CRMP1: variants seen among roughly 807,000 people sequenced by gnomAD.
CRMP1 encodes dihydropyrimidinase-related protein 1.
A neutral mutation model predicts 68.3 loss-of-function variants in CRMP1; 19 were observed. The ratio of observed to expected loss-of-function variants is 0.28; its 90% CI spans 0.19 to 0.41. The LOEUF is 0.41. Among genes scored for constraint, CRMP1 ranks in the 10% least tolerant of loss-of-function variants. The pLI, the probability that CRMP1 is intolerant of heterozygous loss-of-function variation, is 1.00. For synonymous variants in CRMP1, 439 were observed against 399.6 expected, an observed-to-expected ratio of 1.10 and a Z score of -1.18; for missense variants, 791 against 967.4, an observed-to-expected ratio of 0.82 and a Z score of 2.42.
At chr4:5,868,147 T>A (rs1411372416) in intron 1 of CRMP1, among the ~76,000 whole-genome samples, 1 of 151,674 alleles carries the variant, frequency 6.6e-6, no homozygotes, top group Admixed American at 6.6e-5. Flanking sequence ...GAGGAAATGA[T>A]ATGCAAGTCA....
intron 12 of CRMP1, among the ~76,000 whole-genome samples, chr4:5,827,592 C>G (rs1469080971): frequency 1.3e-5 from 2 of 152,084 alleles, no homozygotes; most frequent in Non-Finnish European, 2.9e-5. Context: ...ACACACAGAG[C>G]TCACCACATG....
rs1715052537 is a variant in CRMP1, at chr4:5,879,116, G to A, written c.382-12360C>T. 6.6e-6 allele frequency among the ~76,000 whole-genome samples: 1 copy of A among 152,104 alleles called. No homozygotes were observed. The highest frequency in any genetic ancestry group is 1.5e-5 in the Non-Finnish European group (1 of 68,020). ...ATCCTTCACCAGCTTGTCCTCATCT[G>A]TAGGACAAAGCTCACCTCCTAGGCT... On this transcript the variant is annotated intron_variant, in intron 1 of 13. Coordinates refer to ENST00000324989, the MANE Select transcript of CRMP1 (RefSeq NM_001014809.3). This position sits in a 1 kb window ranked among gnomAD's most constrained non-coding sequence, Gnocchi z 4.2.
At chr4:5,827,409 T>C (rs1719809951) in intron 12 of CRMP1, among the ~76,000 whole-genome samples, 2 of 152,194 alleles carry the variant, frequency 1.3e-5, no homozygotes, top group South Asian at 2.1e-4. Flanking sequence ...ACTTGGTGTC[T>C]TTGACCTGGT....
chr4:5,869,219 CCGGGATTACA>C (rs1714261104), intron 1 of CRMP1, among the ~76,000 whole-genome samples: 1 of 152,176 alleles, frequency 6.6e-6, no homozygotes, highest in Non-Finnish European at 1.5e-5. Flanking sequence ...TCCCAAAGCA[CCGGGATTACA>C]GGTGTGAGCC....
chr4:5,857,148 T>G (rs1713191387), intron 3 of CRMP1, among the ~76,000 whole-genome samples: 1 of 147,726 alleles, frequency 6.8e-6, no homozygotes, highest in African/African-American at 2.5e-5. Context: ...CCATCCACTA[T>G]CATCACTACC....
intron 11 of CRMP1, among the ~76,000 whole-genome samples, chr4:5,835,413 G>A (rs1720664994): frequency 6.6e-6 from 1 of 152,226 alleles, no homozygotes; most frequent in Admixed American, 6.5e-5. Flanking sequence ...AGGCATATAA[G>A]ATACAAAGCA....
In CRMP1 at chr4:5,888,377, TAG is replaced by T. The variant is rs1158844429; in HGVS notation, c.381+4210_381+4211del. The T allele has an allele frequency of 8.2e-7, 1 of 1,225,492 alleles. No homozygotes were observed. Among genetic ancestry groups the T allele is most frequent in the Non-Finnish European group, 1.0e-6 (1 of 982,114 alleles). 75.9% of individuals were successfully genotyped at this position (1,225,492 alleles called of 1,614,324 possible). A position where few individuals can be genotyped will look rare whatever the true frequency, so the allele number is the denominator to read the frequency against. ...CGCGCTGACAAAGGCCCGGGAGGGATAGAGACACGGACGGAGGCTCGGCGCCC... is the reference window on the plus strand; with the variant it reads ...CGCGCTGACAAAGGCCCGGGAGGGATAGACACGGACGGAGGCTCGGCGCCC... On this transcript the variant is annotated intron_variant, in intron 1 of 13. Coordinates refer to ENST00000324989, the MANE Select transcript of CRMP1 (RefSeq NM_001014809.3). This position sits in a 1 kb window ranked among gnomAD's most constrained non-coding sequence, Gnocchi z 6.4.
Position 5,821,409 on chromosome 4 carries a change from T to G in CRMP1, c.*351A>C, listed in dbSNP as rs1718533890. On this transcript the variant is annotated 3_prime_UTR_variant, in exon 14 of 14. Coordinates refer to ENST00000324989, the MANE Select transcript of CRMP1 (RefSeq NM_001014809.3). The surrounding 1 kb of genome is among the most constrained non-coding windows in gnomAD (Gnocchi z 4.4). Reference sequence around the variant, plus strand: ...CATGCATCAACTATCCTAGAACATCTACAGGGTGCAAAGGAACCACCACTC... The same window carrying G: ...CATGCATCAACTATCCTAGAACATCGACAGGGTGCAAAGGAACCACCACTC... 3.4e-6 allele frequency: 1 copy of G among 293,974 alleles called. No individual in the cohort carries two copies. Among genetic ancestry groups the G allele is most frequent in the Admixed American group, 4.4e-5 (1 of 22,760 alleles). 18.2% of individuals were successfully genotyped at this position (293,974 alleles called of 1,614,324 possible). A position where few individuals can be genotyped will look rare whatever the true frequency, so the allele number is the denominator to read the frequency against.
In CRMP1 at chr4:5,841,458, G is replaced by A. The variant is rs533643957; in HGVS notation, c.1033-30C>T. 1 of 1,611,712 alleles carries A rather than the reference G, an allele frequency of 6.2e-7. No homozygotes were observed. Among genetic ancestry groups the A allele is most frequent in the South Asian group, 1.1e-5 (1 of 90,974 alleles). On this transcript the variant is annotated intron_variant, in intron 7 of 13. Transcript: ENST00000324989. This position sits in a 1 kb window ranked among gnomAD's most constrained non-coding sequence, Gnocchi z 6.9. The stretch of plus-strand genomic sequence containing the variant: ...ACACGGCACACACAGTGTCACAGGA[G>A]GGAAGGCTGGTGTAACAGCTACCAC...
At chr4:5,868,291 A>C (rs1218084882) in intron 1 of CRMP1, among the ~76,000 whole-genome samples, 10 of 99,244 alleles carry the variant, frequency 1.0e-4, no homozygotes, top group Admixed American at 4.3e-4. Flanking sequence ...ATATATATAT[A>C]TATATATATA....
chr4:5,825,910 C>G lies in CRMP1; in HGVS notation c.1804-251G>C. The G allele has an allele frequency of 1.9e-6, 1 of 517,654 alleles. No individual in the cohort carries two copies. The highest frequency in any genetic ancestry group is 3.4e-6 in the Non-Finnish European group (1 of 296,672). 32.1% of individuals were successfully genotyped at this position (517,654 alleles called of 1,614,324 possible). ...ATGCATACACATACAGACGCACACACCACGCACACGCACTCACATACATGC... is the reference window on the plus strand; with the variant it reads ...ATGCATACACATACAGACGCACACAGCACGCACACGCACTCACATACATGC... On this transcript the variant is annotated intron_variant, in intron 12 of 13. Transcript: ENST00000324989. The surrounding 1 kb of genome is among the most constrained non-coding windows in gnomAD (Gnocchi z 4.4).
intron 1 of CRMP1, among the ~76,000 whole-genome samples, chr4:5,882,047 C>T (rs1715255495): frequency 6.6e-6 from 1 of 152,184 alleles, no homozygotes; most frequent in South Asian, 2.1e-4. Context: ...CGCTGTGCTT[C>T]CTGACCACCT....
At chr4:5,876,637 G>A (rs1714854504) in intron 1 of CRMP1, among the ~76,000 whole-genome samples, 2 of 152,160 alleles carry the variant, frequency 1.3e-5, no homozygotes, top group Admixed American at 1.3e-4. Flanking sequence ...GAAATGTCAA[G>A]GTGGGTTTTG....
intron 2 of CRMP1, among the ~76,000 whole-genome samples, chr4:5,863,750 A>G (rs1713765770): frequency 6.6e-6 from 1 of 152,222 alleles, no homozygotes; most frequent in Non-Finnish European, 1.5e-5. Flanking sequence ...ACGGCTCTTA[A>G]GAAAACTTGG....
At position 5,865,939 on chromosome 4, in the gene CRMP1, ACCTCAGGAAGAAGTTCAGGAAGG is replaced by A. The variant is rs1195192296; in HGVS notation, c.470+706_470+728del. On this transcript the variant is annotated intron_variant, in intron 2 of 13. Transcript: ENST00000324989. The surrounding 1 kb of genome is among the most constrained non-coding windows in gnomAD (Gnocchi z 4.1). ...GGTGGTGTCTGCAAGCCAAGGAAGA[ACCTCAGGAAGAAGTTCAGGAAGG>A]CCTCAGGAAGAACCAACCCTGACGG... 1.3e-5 allele frequency among the ~76,000 whole-genome samples: 2 copies of A among 152,120 alleles called. No homozygotes were observed. Among genetic ancestry groups the A allele is most frequent in the Non-Finnish European group, 2.9e-5 (2 of 68,022 alleles).
rs1264462921 is a variant in CRMP1, at chr4:5,872,874, C to G, written c.382-6118G>C. Among the ~76,000 whole-genome samples, 2 of 152,214 alleles carry G rather than the reference C, an allele frequency of 1.3e-5. No homozygotes were observed. The highest frequency in any genetic ancestry group is 2.4e-5 in the African/African-American group (1 of 41,462). On this transcript the variant is annotated intron_variant, in intron 1 of 13. Transcript: ENST00000324989. The surrounding 1 kb of genome is among the most constrained non-coding windows in gnomAD (Gnocchi z 4.6). ...ACCACTTAAAAGCAAAACGTCCACA[C>G]TCAGACAGAGGTGGGCTTGGATCCT...
At chr4:5,849,835 T>C (rs1577786172) in intron 5 of CRMP1, among the ~76,000 whole-genome samples, 1 of 152,166 alleles carries the variant, frequency 6.6e-6, no homozygotes, top group African/African-American at 2.4e-5. Context: ...TCCTGAGAAG[T>C]CACTGTTAGT....
rs1711555312 is a variant in CRMP1 at position 5,839,639 on chromosome 4, C to G, written c.1193G>C (p.Gly398Ala). The G allele has an allele frequency of 6.2e-7, 1 of 1,613,154 alleles. No homozygotes were observed. The highest frequency in any genetic ancestry group is 1.3e-5 in the African/African-American group (1 of 75,028). ...VFGEPIAASL[G>A]TDGTHYWSKN... ...GCTCCAGTAATGGGTGCCATCGGTCCCCAGGCTGGCGGCAATGGGCTCTCC... is the reference window on the plus strand; with the variant it reads ...GCTCCAGTAATGGGTGCCATCGGTCGCCAGGCTGGCGGCAATGGGCTCTCC... Residue 398 changes from glycine to alanine, a missense_variant, in exon 9 of 14, where the codon GGG becomes GCG. Gly to Ala is a moderately conservative substitution (Grantham distance 60). This residue lies in a region of CRMP1 where 594 missense variants were observed against 763.6 expected (regional missense o/e 0.78). Transcript: ENST00000324989.
Position 5,855,998 on chromosome 4 carries a change from G to C in CRMP1, c.820+145C>G. 1.1e-6 allele frequency: 1 copy of C among 915,490 alleles called. No individual in the cohort carries two copies. The highest frequency in any genetic ancestry group is 1.7e-6 in the Non-Finnish European group (1 of 605,460). The allele number at this position is 915,490 out of a possible 1,614,324, so 56.7% of individuals were successfully genotyped here. On this transcript the variant is annotated intron_variant, in intron 4 of 13. Coordinates refer to ENST00000324989, the MANE Select transcript of CRMP1 (RefSeq NM_001014809.3). The surrounding 1 kb of genome is among the most constrained non-coding windows in gnomAD (Gnocchi z 4.9). ...ATGGACTCTGTAAAGGGACTGGCCT[G>C]TTTCCTCACTGTCACGTGGCAGAGT...
Sources: allele counts gnomAD v4.1 joint callset (sites outside exome capture counted in the v4.1 genomes callset), GRCh38; gene constraint gnomAD v4.1.1; regional missense constraint gnomAD v4.1.1; non-coding constraint Gnocchi (gnomAD v3.1); transcripts MANE v1.5; gene names NCBI Gene and HGNC (gene_info 2026-07-23, HGNC 2026-07-21).